The following ADAMTSL1 variants were observed in gnomAD, a reference collection of about 807,000 sequenced individuals.
ADAMTSL1 encodes ADAMTS-like protein 1.
Under a neutral mutation model 201.8 loss-of-function variants are expected in ADAMTSL1, and 126 were observed. The observed-to-expected ratio is 0.62, with a 90% CI of 0.54 to 0.72. The LOEUF is 0.72. Ranked by LOEUF, ADAMTSL1 falls within the 30% of genes least tolerant of loss-of-function variation. The probability of loss-of-function intolerance (pLI) is 0.00; values close to 1 mark genes in which losing one functional copy is unlikely to be tolerated. For missense variants in ADAMTSL1, 2,679 were observed against 2,277.8 expected (o/e 1.18, Z -3.59); for synonymous variants, 1,121 against 903.4 (o/e 1.24, Z -4.32).
intron 2 of ADAMTSL1, among the ~76,000 whole-genome samples, chr9:18,361,476 G>T (rs1836516286): frequency 1.3e-5 from 2 of 152,134 alleles, no homozygotes; most frequent in Non-Finnish European, 2.9e-5. Context: ...CTTTATGGCT[G>T]CAGGCTTTGG....
At chr9:18,689,727 A>G in intron 13 of ADAMTSL1, among the ~76,000 whole-genome samples, 1 of 152,178 alleles carries the variant, frequency 6.6e-6, no homozygotes, top group East Asian at 1.9e-4. Context: ...TGCTTTGGAC[A>G]CAGTGTGGCC....
chr9:18,219,437 C>T (rs1587337668), intron 2 of ADAMTSL1, among the ~76,000 whole-genome samples: 2 of 151,924 alleles, frequency 1.3e-5, no homozygotes, highest in East Asian at 1.9e-4. Context: ...GGCACAACCT[C>T]GGCTCACTGC....
rs571776183 is a variant in ADAMTSL1, at chr9:18,855,150, G to A, written c.4249+25173G>A. Among the ~76,000 whole-genome samples, 11 of 152,274 alleles carry A rather than the reference G, an allele frequency of 7.2e-5. No homozygotes were observed. In the South Asian group the frequency reaches 2.3e-3, roughly 32 times the overall value. The stretch of plus-strand genomic sequence containing the variant: ...TTCCACAGAGCCTCAGAAACACGAG[G>A]CTAACAGCTTGGAAAACAACTTCCC... On this transcript the variant is annotated intron_variant, in intron 23 of 28. Transcript: ENST00000380548.
chr9:18,405,242 C>A (rs1818139836), intron 2 of ADAMTSL1, among the ~76,000 whole-genome samples: 1 of 152,178 alleles, frequency 6.6e-6, no homozygotes. Flanking sequence ...ATGCCAGCCA[C>A]AGCAAATACC....
chr9:18,738,411 G>C (rs1379354887), intron 15 of ADAMTSL1, among the ~76,000 whole-genome samples: 2 of 152,206 alleles, frequency 1.3e-5, no homozygotes, highest in African/African-American at 4.8e-5. Flanking sequence ...ACTAGACAAT[G>C]AGAGTGGGAA....
At chr9:18,780,687 A>G (rs1326221370) in intron 19 of ADAMTSL1, among the ~76,000 whole-genome samples, 1 of 152,214 alleles carries the variant, frequency 6.6e-6, no homozygotes, top group Non-Finnish European at 1.5e-5. Context: ...TGTATTACAT[A>G]AAAAGCATAT....
chr9:18,627,025 C>T (rs1216158062), intron 5 of ADAMTSL1, among the ~76,000 whole-genome samples: 3 of 150,372 alleles, frequency 2.0e-5, no homozygotes, highest in African/African-American at 7.4e-5. Flanking sequence ...ACTGAGGCTT[C>T]AGTGCAGTGG....
At chr9:18,678,221 A>G (rs77079028) in intron 10 of ADAMTSL1, among the ~76,000 whole-genome samples, 15,495 of 152,138 alleles carry the variant, frequency 0.1, 1,025 homozygotes, top group Middle Eastern at 0.14. Flanking sequence ...TTAAAAGCCA[A>G]AAGAGGCTAA....
At chr9:18,252,249 G>A (rs898477810) in intron 2 of ADAMTSL1, among the ~76,000 whole-genome samples, 4 of 152,038 alleles carry the variant, frequency 2.6e-5, no homozygotes, top group African/African-American at 4.8e-5. Flanking sequence ...AGAAAAATAG[G>A]CAAATAATTC....
chr9:18,745,255 C>A (rs1819065751), intron 15 of ADAMTSL1, among the ~76,000 whole-genome samples: 1 of 152,024 alleles, frequency 6.6e-6, no homozygotes, highest in Non-Finnish European at 1.5e-5. Flanking sequence ...TCTGTCATTC[C>A]TTCTAGATTA....
intron 2 of ADAMTSL1, among the ~76,000 whole-genome samples, chr9:18,444,472 G>A (rs1820113496): frequency 6.6e-6 from 1 of 152,116 alleles, no homozygotes; most frequent in Non-Finnish European, 1.5e-5. Flanking sequence ...TGTGAACAAA[G>A]AGAAAAATGG....
chr9:18,810,136 T>C (rs528334107), intron 20 of ADAMTSL1, among the ~76,000 whole-genome samples: 22 of 152,272 alleles, frequency 1.4e-4, no homozygotes, highest in Admixed American at 2.6e-4. Flanking sequence ...CTTCCTCCCA[T>C]TGTGGCCATA....
intron 1 of ADAMTSL1, among the ~76,000 whole-genome samples, chr9:17,919,050 C>G (rs934853847): frequency 1.3e-5 from 2 of 151,790 alleles, no homozygotes; most frequent in Non-Finnish European, 3.0e-5. Context: ...TGTTCTCACA[C>G]TGTACCTTTA....
At chr9:18,074,467 C>T (rs542388312) in intron 1 of ADAMTSL1, among the ~76,000 whole-genome samples, 1 of 131,264 alleles carries the variant, frequency 7.6e-6, no homozygotes, top group Non-Finnish European at 1.7e-5. Context: ...TTTCACCACA[C>T]TGTGTTTTCT....
At chr9:18,566,737 C>G (rs1270042452) in intron 3 of ADAMTSL1, among the ~76,000 whole-genome samples, 1 of 151,978 alleles carries the variant, frequency 6.6e-6, no homozygotes, top group Non-Finnish European at 1.5e-5. Flanking sequence ...TGAGCAAGGA[C>G]AATAGGATGT....
At chr9:18,032,986 TA>T (rs1821038943) in intron 1 of ADAMTSL1, among the ~76,000 whole-genome samples, 1 of 152,174 alleles carries the variant, frequency 6.6e-6, no homozygotes, top group African/African-American at 2.4e-5. Context: ...GTTCGAAATG[TA>T]ATCGTTTACT....
intron 1 of ADAMTSL1, among the ~76,000 whole-genome samples, chr9:18,027,541 A>C (rs1820756776): frequency 1.3e-5 from 2 of 151,448 alleles, no homozygotes; most frequent in African/African-American, 4.8e-5. Context: ...TTTTCCTGTT[A>C]CTGATTTCCA....
chr9:18,542,788 G>C (rs755088139), intron 3 of ADAMTSL1, among the ~76,000 whole-genome samples: 1 of 152,126 alleles, frequency 6.6e-6, no homozygotes. Context: ...CCTCTCTTCT[G>C]ACAAAGTACT....
chr9:18,058,080 G>T (rs946568554), intron 1 of ADAMTSL1, among the ~76,000 whole-genome samples: 14 of 152,154 alleles, frequency 9.2e-5, no homozygotes, highest in Non-Finnish European at 1.8e-4. Flanking sequence ...ATAAATATTT[G>T]CTAGCCAGAT....
Sources: gnomAD v4.1 joint callset for allele counts (sites outside exome capture counted in the v4.1 genomes callset) on GRCh38, gnomAD v4.1.1 for gene constraint, MANE v1.5 for transcripts, NCBI Gene and HGNC (gene_info 2026-07-23, HGNC 2026-07-21) for gene names.